ZMYND8: variants seen among roughly 807,000 people sequenced by gnomAD.
ZMYND8 encodes the protein MYND-type zinc finger-containing chromatin reader ZMYND8.
ZMYND8 carries 37 observed loss-of-function variants against 140.8 expected under a neutral mutation model. The observed-to-expected ratio is 0.26, with a 90% confidence interval of 0.20 to 0.35. ZMYND8 has a LOEUF of 0.35. Ranked by LOEUF, ZMYND8 falls within the 10% of genes least tolerant of loss-of-function variation. The probability of loss-of-function intolerance (pLI) is 1.00; values close to 1 mark genes in which losing one functional copy is unlikely to be tolerated. For synonymous variants in ZMYND8, 592 were observed against 597.1 expected (o/e 0.99, Z 0.12); for missense variants, 1,068 against 1,570.0 (o/e 0.68, Z 5.40).
chr20:47,216,871 CAT>C lies in ZMYND8; in HGVS notation c.3484+3385_3484+3386del, dbSNP rs571153695. Among the ~76,000 whole-genome samples, 365 of 152,164 alleles carry C rather than the reference CAT, an allele frequency of 2.4e-3. 1 individual carries two copies. Among genetic ancestry groups the C allele is most frequent in the African/African-American group, 8.5e-3 (354 of 41,522 alleles). On this transcript the variant is annotated intron_variant, in intron 21 of 22. Transcript: ENST00000471951. The stretch of plus-strand genomic sequence containing the variant: ...ACAAAAAGTATTAATAAAAGAAAAA[CAT>C]ATTGGGAAGACGATCCGGCAGAAGA...
rs375904065 is a variant in ZMYND8, at chr20:47,276,576, G to T, written c.1218C>A (p.Ala406=). Residue 406 remains alanine (A), a synonymous_variant, in exon 11 of 23, where the codon GCC becomes GCA. Transcript: ENST00000471951. ...CCTGCTTGTCTATCTTGGCAGTGCC[G>T]GCGCTGGGGTTGGTGGGATCGAGCA... ...QMLLDPTNPS[A]GTAKIDKQEK... is the part of the protein sequence containing the mutation. 2.5e-6 allele frequency: 4 copies of T among 1,613,728 alleles called. No homozygotes were observed. The East Asian group carries it at 8.9e-5, about 36-fold the overall frequency.
intron 2 of ZMYND8, among the ~76,000 whole-genome samples, chr20:47,331,888 G>A (rs1479939279): frequency 6.6e-6 from 1 of 152,180 alleles, no homozygotes; most frequent in Non-Finnish European, 1.5e-5. Flanking sequence ...GCAGGACAAA[G>A]ACAGGAATAC....
At chr20:47,269,436 G>C (rs1569048790) in intron 11 of ZMYND8, among the ~76,000 whole-genome samples, 1 of 152,184 alleles carries the variant, frequency 6.6e-6, no homozygotes, top group African/African-American at 2.4e-5. Flanking sequence ...AAAGCAAAAA[G>C]ACTTGGAAAT....
chr20:47,320,381 T>C (rs2079833259), intron 2 of ZMYND8: 1 of 152,298 alleles, frequency 6.6e-6, no homozygotes, highest in Non-Finnish European at 1.5e-5. Flanking sequence ...AGCGAAGAGT[T>C]CAGACCCAAC....
chr20:47,290,959 T>C (rs370998427), intron 6 of ZMYND8, among the ~76,000 whole-genome samples: 1 of 152,310 alleles, frequency 6.6e-6, no homozygotes, highest in East Asian at 1.9e-4. Flanking sequence ...AACCTCACAA[T>C]AATTTAATGA....
chr20:47,318,379 C>T (rs1025809343), intron 2 of ZMYND8: 6 of 317,662 alleles, frequency 1.9e-5, no homozygotes, highest in East Asian at 1.7e-4. Context: ...CACTTCAAAG[C>T]GTTTCCCAAA....
intron 13 of ZMYND8, among the ~76,000 whole-genome samples, chr20:47,248,505 G>A (rs1019483422): frequency 9.2e-5 from 14 of 152,198 alleles, no homozygotes; most frequent in Admixed American, 3.3e-4. Context: ...GCTCTCCAGA[G>A]GCCCAGCCAT....
Position 47,212,665 on chromosome 20 carries a change from T to G in ZMYND8, c.3545A>C (p.His1182Pro), listed in dbSNP as rs2035458022. ...YAPTTTDHQP[H>P]PNYPAQKYHS... The stretch of plus-strand genomic sequence containing the variant: ...ACACTTCTGGGCGGGGTAGTTGGGG[T>G]GCGGCTGGTGGTCTGTGGTGGTTGG... Residue 1182 changes from histidine (H) to proline (P), a missense_variant, in exon 22 of 23, where the codon CAC (histidine) becomes CCC (proline). His to Pro is a moderately conservative substitution (Grantham distance 77). Around this residue, in one of 10 missense-constraint regions of ZMYND8, gnomAD observed 180 missense variants for 187.8 expected, o/e 0.96. Coordinates refer to ENST00000471951, the MANE Select transcript of ZMYND8 (RefSeq NM_001281775.3). 6.2e-7 allele frequency: 1 copy of G among 1,613,752 alleles called. No individual in the cohort carries two copies. Among genetic ancestry groups the G allele is most frequent in the South Asian group, 1.1e-5 (1 of 91,082 alleles).
Position 47,310,218 on chromosome 20 carries a change from A to AG in ZMYND8, c.86-15dup. ...CAGAGCCAGGATCTGAAAGAGATAC[A>AG]GGACCACAGGTTTTAAAGCAGTCAG... On this transcript the variant is annotated splice_polypyrimidine_tract_variant and intron_variant, in intron 2 of 22. Transcript: ENST00000471951. 6.3e-7 allele frequency: 1 copy of AG among 1,586,308 alleles called. No individual in the cohort carries two copies. The highest frequency in any genetic ancestry group is 8.5e-7 in the Non-Finnish European group (1 of 1,171,526).
chr20:47,303,772 G>A (rs1289604877), intron 3 of ZMYND8, among the ~76,000 whole-genome samples: 1 of 151,830 alleles, frequency 6.6e-6, no homozygotes, highest in African/African-American at 2.4e-5. Context: ...CTCTCTGTCT[G>A]ATAGTAGCCG....
At chr20:47,294,126 T>A (rs969172204) in intron 5 of ZMYND8, among the ~76,000 whole-genome samples, 8 of 151,794 alleles carry the variant, frequency 5.3e-5, no homozygotes, top group African/African-American at 1.9e-4. Flanking sequence ...GGCTGGAGGA[T>A]CACTTGAGGT....
At chr20:47,216,212 T>C (rs2036076952) in intron 21 of ZMYND8, among the ~76,000 whole-genome samples, 1 of 152,100 alleles carries the variant, frequency 6.6e-6, no homozygotes, top group Non-Finnish European at 1.5e-5. Flanking sequence ...CACAGGCCTC[T>C]GGCCAGGCAC....
chr20:47,314,907 A>C (rs528080499), intron 2 of ZMYND8, among the ~76,000 whole-genome samples: 2 of 152,280 alleles, frequency 1.3e-5, no homozygotes, highest in Admixed American at 6.5e-5. Flanking sequence ...ACTAGACTAG[A>C]AGTTCTTGTT....
chr20:47,211,043 G>C, intron 22 of ZMYND8, 146 bp from the exon 23 acceptor site: 1 of 1,103,838 alleles, frequency 9.1e-7, no homozygotes, highest in Non-Finnish European at 1.3e-6. Context: ...TGACTGCCCT[G>C]CATCTGTGGG....
At chr20:47,343,743 C>T (rs1310678536) in intron 2 of ZMYND8, among the ~76,000 whole-genome samples, 5 of 152,128 alleles carry the variant, frequency 3.3e-5, no homozygotes, top group Non-Finnish European at 5.9e-5. Flanking sequence ...GTGATCTGCC[C>T]GCCTTGGCCT....
At chr20:47,337,870 T>C (rs1569230094) in intron 2 of ZMYND8, among the ~76,000 whole-genome samples, 1 of 152,032 alleles carries the variant, frequency 6.6e-6, no homozygotes, top group Non-Finnish European at 1.5e-5. Context: ...AATGACTGGC[T>C]TGGGAATTAC....
chr20:47,254,767 G>A (rs1163815304), intron 12 of ZMYND8, among the ~76,000 whole-genome samples: 1 of 152,128 alleles, frequency 6.6e-6, no homozygotes, highest in Non-Finnish European at 1.5e-5. Flanking sequence ...GTTGTAGGAT[G>A]TTCAGCAGCA....
rs2076261661 is a variant in ZMYND8, at chr20:47,276,377, T to C, written c.1417A>G (p.Lys473Glu). 1.2e-6 allele frequency: 2 copies of C among 1,605,340 alleles called. No individual in the cohort carries two copies. Among genetic ancestry groups the C allele is most frequent in the South Asian group, 1.1e-5 (1 of 90,886 alleles). ...GSDVEQDAEK[K>E]ATSSHFSASE... The stretch of plus-strand genomic sequence containing the variant: ...GCACTGAAGTGGCTCGACGTGGCCT[T>C]CTTCTCAGCATCCTGCTCCACGTCG... The change falls in exon 11 of 23, where the codon AAG becomes GAG. Residue 473 changes from lysine to glutamate, a missense_variant. Coordinates refer to ENST00000471951, the MANE Select transcript of ZMYND8 (RefSeq NM_001281775.3).
intron 18 of ZMYND8, 24 bp downstream of exon 18, chr20:47,227,179 C>A (rs763758375): frequency 1.5e-5 from 25 of 1,613,820 alleles, no homozygotes; most frequent in Non-Finnish European, 2.0e-5. Context: ...CCTCCTCAGT[C>A]CAGACCAGTG....
Sources: allele counts gnomAD v4.1 joint callset (sites outside exome capture counted in the v4.1 genomes callset), GRCh38; gene constraint gnomAD v4.1.1; regional missense constraint gnomAD v4.1.1; transcripts MANE v1.5; gene names NCBI Gene and HGNC (gene_info 2026-07-23, HGNC 2026-07-21).